CNOT10: variants seen among roughly 807,000 people sequenced by gnomAD.
CNOT10 encodes CCR4-NOT transcription complex, subunit 10.
A neutral mutation model predicts 94.6 loss-of-function variants in CNOT10; 30 were observed. That is an observed-to-expected ratio of 0.32 (90% CI 0.24 to 0.43). CNOT10 has a LOEUF of 0.43. Among genes scored for constraint, CNOT10 ranks in the 20% least tolerant of loss-of-function variants. The pLI is 1.00. For synonymous variants in CNOT10, 289 were observed against 301.6 expected, an observed-to-expected ratio of 0.96 and a Z score of 0.43; for missense variants, 759 against 877.2, an observed-to-expected ratio of 0.87 and a Z score of 1.70.
chr3:32,725,296 A>C (rs986480103), intron 8 of CNOT10, among the ~76,000 whole-genome samples, 154 bp from the exon 9 acceptor site: 12 of 152,184 alleles, frequency 7.9e-5, no homozygotes, highest in African/African-American at 2.9e-4. Context: ...AATTTTTCAG[A>C]TATTTCCTAA....
At position 32,734,967 on chromosome 3, in the gene CNOT10, A is replaced by G; in HGVS notation, c.1505A>G (p.Glu502Gly). 1 of 1,613,098 alleles carries G rather than the reference A, an allele frequency of 6.2e-7. No individual in the cohort carries two copies. The highest frequency in any genetic ancestry group is 8.5e-7 in the Non-Finnish European group (1 of 1,179,252). The part of the protein sequence containing the change: ...GGNTESSESS[E>G]TCSSKSHDGD... Reference sequence around the variant, plus strand: ...AACACAGAGAGCAGCGAAAGCAGTGAAACTTGCAGGTATTCTAATCCTTGT... The same window carrying G: ...AACACAGAGAGCAGCGAAAGCAGTGGAACTTGCAGGTATTCTAATCCTTGT... Residue 502 changes from glutamate (E) to glycine (G), a missense_variant, in exon 12 of 19, where the codon GAA (glutamate) becomes GGA (glycine). By Grantham distance (98) the Glu-to-Gly change is moderately conservative. Transcript: ENST00000328834.
At chr3:32,768,763 C>G (rs570278631) in intron 17 of CNOT10, among the ~76,000 whole-genome samples, 1 of 152,306 alleles carries the variant, frequency 6.6e-6, no homozygotes, top group South Asian at 2.1e-4. Flanking sequence ...GAAGCACATG[C>G]TCTGGGCAAC....
At chr3:32,718,258 CTTTTT>C (rs376879885) in intron 7 of CNOT10, among the ~76,000 whole-genome samples, 1 of 117,042 alleles carries the variant, frequency 8.5e-6, no homozygotes, top group African/African-American at 3.2e-5. Context: ...CATTATCAAA[CTTTTT>C]TTTTTTTTTT....
chr3:32,721,994 A>G (rs12495733), intron 8 of CNOT10, among the ~76,000 whole-genome samples: 29,637 of 151,982 alleles, frequency 0.2, 3,604 homozygotes, highest in African/African-American at 0.33. Context: ...AAGTCTTACA[A>G]ATCCTTTGAT....
chr3:32,730,863 G>A (rs1698910411), intron 10 of CNOT10: 2 of 152,164 alleles, frequency 1.3e-5, no homozygotes, highest in Admixed American at 1.3e-4. Flanking sequence ...AACAAAAATA[G>A]TCCCAATATT....
At chr3:32,735,071 C>G in intron 12 of CNOT10, 95 bp downstream of exon 12, 1 of 1,018,708 alleles carries the variant, frequency 9.8e-7, no homozygotes. Context: ...AATCTTCAAC[C>G]TGAATTTCTG....
chr3:32,755,480 G>T (rs1036006391), intron 13 of CNOT10, among the ~76,000 whole-genome samples: 2 of 151,602 alleles, frequency 1.3e-5, no homozygotes, highest in Non-Finnish European at 2.9e-5. Flanking sequence ...CACCACGCCT[G>T]TGTAACTTTT....
At chr3:32,695,453 G>T in intron 1 of CNOT10, 2 of 894,692 alleles carry the variant, frequency 2.2e-6, no homozygotes, top group Non-Finnish European at 3.2e-6. Flanking sequence ...TATATCAGTG[G>T]AGCTGTATTT....
chr3:32,752,127 A>G (rs1189054179), intron 13 of CNOT10, among the ~76,000 whole-genome samples: 3 of 152,058 alleles, frequency 2.0e-5, no homozygotes, highest in Non-Finnish European at 4.4e-5. Context: ...CATCTCTACT[A>G]AAAATACAAA....
At chr3:32,754,060 A>G (rs979501496) in intron 13 of CNOT10, among the ~76,000 whole-genome samples, 2 of 152,130 alleles carry the variant, frequency 1.3e-5, no homozygotes, top group Non-Finnish European at 2.9e-5. Flanking sequence ...AGATCATGCC[A>G]TTGCACTCCA....
rs192906846 is a variant in CNOT10, at chr3:32,765,243, G to A, written c.2004+434G>A. 4.0e-3 allele frequency: 1,041 copies of A among 259,166 alleles called. 11 individuals carry two copies. The highest frequency in any genetic ancestry group is 0.024 in the African/African-American group (986 of 41,956). The allele number at this position is 259,166 out of a possible 1,614,324, so 16.1% of individuals were successfully genotyped here. A position where few individuals can be genotyped will look rare whatever the true frequency, so the allele number is the denominator to read the frequency against. On this transcript the variant is annotated intron_variant, in intron 17 of 18. Coordinates refer to ENST00000328834, the MANE Select transcript of CNOT10 (RefSeq NM_015442.3). ...TGAAGCAGGAGAATCGCTTGAATCC[G>A]GGAGGCGGAGGTTGCAGTGAGCCAA...
At chr3:32,722,083 A>G (rs1424486656) in intron 8 of CNOT10, among the ~76,000 whole-genome samples, 1 of 152,224 alleles carries the variant, frequency 6.6e-6, no homozygotes, top group Non-Finnish European at 1.5e-5. Flanking sequence ...CAGGAGAAGG[A>G]AAATCACTTA....
chr3:32,693,114 C>T (rs1696917470), intron 1 of CNOT10, among the ~76,000 whole-genome samples: 1 of 152,174 alleles, frequency 6.6e-6, no homozygotes, highest in Non-Finnish European at 1.5e-5. Flanking sequence ...ATGTTAAATG[C>T]TAAAAGCTTA....
intron 1 of CNOT10, among the ~76,000 whole-genome samples, chr3:32,694,598 T>C (rs113422341): frequency 0.022 from 3,315 of 152,234 alleles, 46 homozygotes; most frequent in East Asian, 0.047. Context: ...TTTGTTTGTT[T>C]GTTTGTTTTT....
chr3:32,740,373 C>T (rs954843282), intron 13 of CNOT10, among the ~76,000 whole-genome samples: 2 of 151,494 alleles, frequency 1.3e-5, no homozygotes, highest in South Asian at 2.1e-4. Flanking sequence ...GCAGGGGAAT[C>T]GCTTCAACCG....
At chr3:32,702,257 A>C (rs9846699) in intron 1 of CNOT10, among the ~76,000 whole-genome samples, 30,964 of 152,162 alleles carry the variant, frequency 0.2, 3,957 homozygotes, top group African/African-American at 0.35. Flanking sequence ...CATCACGCCC[A>C]GCCAACAGTG....
At chr3:32,758,126 A>G (rs1016897915) in intron 13 of CNOT10, among the ~76,000 whole-genome samples, 8 of 152,182 alleles carry the variant, frequency 5.3e-5, no homozygotes, top group Admixed American at 5.2e-4. Context: ...GGGAGTCTAC[A>G]ATGTCAAATA....
chr3:32,732,926 G>A (rs1430605709), intron 10 of CNOT10, among the ~76,000 whole-genome samples: 1 of 152,130 alleles, frequency 6.6e-6, no homozygotes, highest in African/African-American at 2.4e-5. Flanking sequence ...CAAGTATTGT[G>A]TCCATGTAAA....
intron 13 of CNOT10, among the ~76,000 whole-genome samples, chr3:32,754,315 A>G (rs1700101594): frequency 6.8e-6 from 1 of 147,024 alleles, no homozygotes; most frequent in Non-Finnish European, 1.5e-5. Flanking sequence ...ATCTCTACTA[A>G]AAATACAAAA....
Sources: allele counts gnomAD v4.1 joint callset (sites outside exome capture counted in the v4.1 genomes callset), GRCh38; gene constraint gnomAD v4.1.1; transcripts MANE v1.5; gene names NCBI Gene and HGNC (gene_info 2026-07-23, HGNC 2026-07-21).